C11orf65: variants seen among roughly 807,000 people sequenced by gnomAD.
C11orf65 encodes chromosome 11 open reading frame 65.
A neutral mutation model predicts 35.3 loss-of-function variants in C11orf65; 38 were observed. The ratio of observed to expected loss-of-function variants is 1.08; its 90% CI spans 0.83 to 1.41. C11orf65 has a LOEUF of 1.41. Among genes scored for constraint, C11orf65 ranks in the 40% most tolerant of loss-of-function variants. C11orf65 has a pLI of 0.00. For missense variants in C11orf65, 370 were observed against 367.1 expected, an observed-to-expected ratio of 1.01 and a Z score of -0.06; for synonymous variants, 105 against 114.4, an observed-to-expected ratio of 0.92 and a Z score of 0.53.
Position 108,310,079 on chromosome 11 carries a change from A to T in C11orf65, c.641-1008T>A, listed in dbSNP as rs535069063. ...AATTTTCTGTTAAGCAGTCACTACC[A>T]TTGTATTCTATATCAACATGCTTTT... On this transcript the variant is annotated intron_variant, in intron 6 of 6. Coordinates refer to the C11orf65 transcript ENST00000525729. The T allele has an allele frequency of 6.2e-6, 9 of 1,455,488 alleles. No individual in the cohort carries two copies. In the East Asian group the frequency reaches 1.6e-4, roughly 26 times the overall value. 90.2% of individuals were successfully genotyped at this position (1,455,488 alleles called of 1,614,324 possible).
At position 108,310,323 on chromosome 11, in the gene C11orf65, A is replaced by T. The variant is rs1401825950; in HGVS notation, c.641-1252T>A. 1 of 1,611,458 alleles carries T rather than the reference A, an allele frequency of 6.2e-7. No individual in the cohort carries two copies. The highest frequency in any genetic ancestry group is 2.2e-5 in the East Asian group (1 of 44,754). ...GGATGATCAAGAGAAAAGGTAATGG[A>T]ATTTAGAATTTTTGGTTTTTAAAAT... On this transcript the variant is annotated intron_variant, in intron 6 of 6. Coordinates refer to the C11orf65 transcript ENST00000525729.
chr11:108,447,232 A>G (rs2093276616), intron 2 of C11orf65, among the ~76,000 whole-genome samples: 1 of 152,162 alleles, frequency 6.6e-6, no homozygotes, highest in African/African-American at 2.4e-5. Flanking sequence ...AACGAGACAG[A>G]AAGTTAACAA....
chr11:108,425,142 A>C (rs2092881523), intron 3 of C11orf65, among the ~76,000 whole-genome samples: 2 of 152,186 alleles, frequency 1.3e-5, no homozygotes, highest in African/African-American at 4.8e-5. Flanking sequence ...AGAAGACAAG[A>C]AATATCTACG....
At chr11:108,318,674 G>C (rs903636669) in intron 6 of C11orf65, among the ~76,000 whole-genome samples, 2 of 152,062 alleles carry the variant, frequency 1.3e-5, no homozygotes, top group Non-Finnish European at 2.9e-5. Flanking sequence ...GGGCGACAGA[G>C]TGAGACTCTG....
intron 6 of C11orf65, chr11:108,321,453 G>A (rs1327131645): frequency 1.2e-6 from 2 of 1,613,486 alleles, no homozygotes; most frequent in African/African-American, 1.3e-5. Flanking sequence ...TTATCCTAAA[G>A]TGCAGCTTTT....
chr11:108,449,091 C>T (rs2093309865), intron 2 of C11orf65, among the ~76,000 whole-genome samples: 1 of 152,094 alleles, frequency 6.6e-6, no homozygotes, highest in African/African-American at 2.4e-5. Context: ...TGTGAAGGAC[C>T]TCTTCAAGGA....
downstream of C11orf65, among the ~76,000 whole-genome samples, chr11:108,378,286 T>C (rs1446351303): frequency 6.8e-6 from 1 of 147,358 alleles, no homozygotes; most frequent in Non-Finnish European, 1.5e-5. Context: ...AACAGAGATA[T>C]AGATCAATGG....
chr11:108,386,116 T>A lies in C11orf65; in HGVS notation c.732-141A>T, dbSNP rs1591436534. On this transcript the variant is annotated intron_variant, in intron 7 of 8. Coordinates refer to ENST00000393084, the MANE Select transcript of C11orf65 (RefSeq NM_152587.5). ...CCTCCATGTGTAACTCTCAAGACTT[T>A]CTCACCTTCTAGTAGCTCACATCCA... is the stretch of plus-strand genomic sequence containing the variant. The A allele has an allele frequency of 5.8e-6, 4 of 684,020 alleles. No individual in the cohort carries two copies. In the East Asian group the frequency reaches 1.0e-4, roughly 18 times the overall value. The allele number at this position is 684,020 out of a possible 1,614,324, so 42.4% of individuals were successfully genotyped here.
intron 2 of C11orf65, chr11:108,336,108 G>GGC: frequency 1.6e-6 from 1 of 610,812 alleles, no homozygotes; most frequent in Non-Finnish European, 2.9e-6. Flanking sequence ...ACCAGCCTCA[G>GGC]CAACATAGTG....
intron 2 of C11orf65, chr11:108,366,573 C>T (rs1395224478): frequency 4.3e-6 from 1 of 229,908 alleles, no homozygotes; most frequent in Admixed American, 5.7e-5. Flanking sequence ...AAGGCTTTAT[C>T]TATGGGAATC....
chr11:108,446,682 C>G (rs1023074559), intron 2 of C11orf65, among the ~76,000 whole-genome samples: 1 of 152,126 alleles, frequency 6.6e-6, no homozygotes, highest in African/African-American at 2.4e-5. Context: ...AAAATCATGC[C>G]AAAATGTAAA....
intron 2 of C11orf65, among the ~76,000 whole-genome samples, chr11:108,452,969 G>T (rs1328869272): frequency 7.1e-6 from 1 of 140,352 alleles, no homozygotes; most frequent in Non-Finnish European, 1.5e-5. Flanking sequence ...TTGGACACAG[G>T]GTGGGGAACA....
At chr11:108,385,537 C>T (rs149428871) in intron 8 of C11orf65, among the ~76,000 whole-genome samples, 2,295 of 152,094 alleles carry the variant, frequency 0.015, 66 homozygotes, top group African/African-American at 0.049. Context: ...AAAAAATTAG[C>T]GGGGTGTGGT....
intron 2 of C11orf65, among the ~76,000 whole-genome samples, chr11:108,370,782 C>CTGTT (rs1285142848): frequency 6.6e-6 from 1 of 152,100 alleles, no homozygotes; most frequent in African/African-American, 2.4e-5. Context: ...GTGAACTACA[C>CTGTT]TGTTTGATTT....
intron 3 of C11orf65, among the ~76,000 whole-genome samples, chr11:108,408,719 AAAATAAAATAAAATG>A (rs201659284): frequency 0.025 from 3,400 of 137,428 alleles, 323 homozygotes; most frequent in African/African-American, 0.077. Flanking sequence ...AAAATAAAAT[AAAATAAAATAAAATG>A]ATATAAGAAT....
At chr11:108,447,744 C>A (rs563853630) in intron 2 of C11orf65, among the ~76,000 whole-genome samples, 3 of 152,052 alleles carry the variant, frequency 2.0e-5, no homozygotes, top group African/African-American at 7.3e-5. Context: ...CAAGAGCAAA[C>A]ACATTCAAAA....
chr11:108,440,904 T>A (rs567993399), intron 2 of C11orf65, among the ~76,000 whole-genome samples: 1 of 152,118 alleles, frequency 6.6e-6, no homozygotes, highest in Non-Finnish European at 1.5e-5. Flanking sequence ...GCTCCCAGCA[T>A]GAGCAACGCA....
intron 1 of C11orf65, among the ~76,000 whole-genome samples, chr11:108,463,734 C>G (rs540171678): frequency 3.9e-5 from 6 of 151,902 alleles, no homozygotes; most frequent in Non-Finnish European, 7.4e-5. Flanking sequence ...AGTTTCTGAC[C>G]CACCATAGCC....
upstream of C11orf65, among the ~76,000 whole-genome samples, chr11:108,467,967 A>G (rs1248849670): frequency 1.3e-5 from 2 of 151,950 alleles, no homozygotes; most frequent in African/African-American, 4.8e-5. Flanking sequence ...CTGGGACCGT[A>G]GGAGTGCACC....
Sources: gnomAD v4.1 joint callset for allele counts (sites outside exome capture counted in the v4.1 genomes callset) on GRCh38, gnomAD v4.1.1 for gene constraint, MANE v1.5 for transcripts, NCBI Gene and HGNC (gene_info 2026-07-23, HGNC 2026-07-21) for gene names.